Variants in CDH8 observed in about 807,000 individuals in gnomAD.
The protein encoded by CDH8 is cadherin 8.
Under a neutral mutation model 68.1 loss-of-function variants are expected in CDH8, and 17 were observed. The observed-to-expected ratio is 0.25, with a 90% confidence interval of 0.17 to 0.37. The LOEUF is 0.37. Among genes scored for constraint, CDH8 ranks in the 10% least tolerant of loss-of-function variants. CDH8 has a pLI of 1.00. For synonymous variants in CDH8, 372 were observed against 365.1 expected, an observed-to-expected ratio of 1.02 and a Z score of -0.21; for missense variants, 763 against 999.3, an observed-to-expected ratio of 0.76 and a Z score of 3.19.
chr16:61,747,043 C>A (rs1960041093), intron 8 of CDH8, among the ~76,000 whole-genome samples: 1 of 152,010 alleles, frequency 6.6e-6, no homozygotes, highest in Non-Finnish European at 1.5e-5. Context: ...TTGATTTACT[C>A]CCAGATGTTA....
intron 2 of CDH8, among the ~76,000 whole-genome samples, chr16:61,951,647 T>A (rs563232035): frequency 6.6e-6 from 1 of 152,294 alleles, no homozygotes; most frequent in Admixed American, 6.5e-5. Flanking sequence ...TTTTTACATA[T>A]TGCAATGGAT....
chr16:61,763,757 T>C (rs1277414843), intron 8 of CDH8, among the ~76,000 whole-genome samples: 4 of 152,112 alleles, frequency 2.6e-5, no homozygotes, highest in African/African-American at 9.7e-5. Context: ...TTAATTCTTT[T>C]GTTGAATAAG....
At chr16:61,902,744 CAT>C (rs2143274074) in intron 2 of CDH8, among the ~76,000 whole-genome samples, 1 of 152,136 alleles carries the variant, frequency 6.6e-6, no homozygotes, top group African/African-American at 2.4e-5. Flanking sequence ...ATAAAAAAGA[CAT>C]AAAATAGCAA....
chr16:61,901,533 T>A, intron 2 of CDH8, 60 bp from the exon 3 acceptor site: 1 of 1,211,644 alleles, frequency 8.3e-7, no homozygotes. Context: ...TTTTTTTAAC[T>A]ACCTCCTTTT....
At chr16:61,944,561 C>CTTATTAGCTG (rs1301408666) in intron 2 of CDH8, among the ~76,000 whole-genome samples, 2 of 152,144 alleles carry the variant, frequency 1.3e-5, no homozygotes, top group Non-Finnish European at 2.9e-5. Flanking sequence ...TGGCAGCTAA[C>CTTATTAGCTG]TTATTAGGTT....
intron 7 of CDH8, among the ~76,000 whole-genome samples, chr16:61,794,209 C>T (rs759270208): frequency 6.6e-6 from 1 of 151,876 alleles, no homozygotes; most frequent in Non-Finnish European, 1.5e-5. Flanking sequence ...GAAGACATGA[C>T]CTGGATTTCT....
intron 8 of CDH8, among the ~76,000 whole-genome samples, chr16:61,788,703 T>G (rs913252422): frequency 6.6e-6 from 1 of 152,008 alleles, no homozygotes; most frequent in South Asian, 2.1e-4. Flanking sequence ...ATAAAAAGAT[T>G]AACAAGTTAT....
rs1666566916 is a variant in CDH8, at chr16:62,013,287, A to AAG, written c.252+7864_252+7865insCT. On this transcript the variant is annotated intron_variant, in intron 2 of 11. Coordinates refer to ENST00000577390, the MANE Select transcript of CDH8 (RefSeq NM_001796.5). ...AAAAAAAAAAAAAAAAAAAAAAAAA[A>AAG]AAAAAATTAACTACTTAAATCAAGA... Among the ~76,000 whole-genome samples the AAG allele has an allele frequency of 7.2e-5, 2 of 27,828 alleles. 1 individual carries two copies. The highest frequency in any genetic ancestry group is 6.8e-3 in the East Asian group (2 of 294). The allele number at this position is 27,828 out of a possible 152,430, so 18.3% of individuals were successfully genotyped here.
chr16:61,829,861 C>A (rs1436377), intron 4 of CDH8, among the ~76,000 whole-genome samples: 20,209 of 151,866 alleles, frequency 0.13, 1,657 homozygotes, highest in Middle Eastern at 0.2. Context: ...ACATCCAAGA[C>A]AGAATTTTTG....
At chr16:61,840,966 T>C (rs1264544736) in intron 4 of CDH8, among the ~76,000 whole-genome samples, 2 of 151,494 alleles carry the variant, frequency 1.3e-5, no homozygotes, top group Admixed American at 1.3e-4. Flanking sequence ...ATAAAGAAAA[T>C]AGAAAAGAAA....
intron 2 of CDH8, among the ~76,000 whole-genome samples, chr16:61,969,376 C>G (rs1343699254): frequency 1.3e-5 from 2 of 151,638 alleles, no homozygotes; most frequent in Non-Finnish European, 1.5e-5. Context: ...CTGAATCTTT[C>G]TTGGCACGTA....
rs1389307012 is a variant in CDH8, at chr16:61,849,631, G to A, written c.667+7488C>T. Among the ~76,000 whole-genome samples, 3 of 152,210 alleles carry A rather than the reference G, an allele frequency of 2.0e-5. No homozygotes were observed. In the East Asian group the frequency reaches 5.8e-4, roughly 29 times the overall value. On this transcript the variant is annotated intron_variant, in intron 4 of 11. Transcript: ENST00000577390. ...CTACCTCATCCTTTAATCAGCACTT[G>A]GCATGGAAAGAGGTTCTAGGTCTCC...
At chr16:61,764,847 C>T (rs1026163816) in intron 8 of CDH8, among the ~76,000 whole-genome samples, 2 of 151,924 alleles carry the variant, frequency 1.3e-5, no homozygotes, top group African/African-American at 4.8e-5. Context: ...ATTTGTAAAT[C>T]GTTCAGAGCA....
chr16:61,778,826 A>G (rs1466640265), intron 8 of CDH8, among the ~76,000 whole-genome samples: 1 of 152,154 alleles, frequency 6.6e-6, no homozygotes, highest in Non-Finnish European at 1.5e-5. Context: ...AGATTCCTCT[A>G]AACAATGAAC....
chr16:61,960,029 C>CAT lies in CDH8; in HGVS notation c.253-58557_253-58556insAT, dbSNP rs1175040440. ...ATATATATATATACACACATACACA[C>CAT]ACACACACAACATATATGTATGTAT... is the stretch of plus-strand genomic sequence containing the variant. On this transcript the variant is annotated intron_variant, in intron 2 of 11. Coordinates refer to ENST00000577390, the MANE Select transcript of CDH8 (RefSeq NM_001796.5). 9.6e-4 allele frequency among the ~76,000 whole-genome samples: 101 copies of CAT among 104,906 alleles called. 11 individuals carry two copies. Among genetic ancestry groups the CAT allele is most frequent in the African/African-American group, 4.1e-3 (95 of 23,246 alleles). 68.8% of individuals were successfully genotyped at this position (104,906 alleles called of 152,430 possible). A position where few individuals can be genotyped will look rare whatever the true frequency, so the allele number is the denominator to read the frequency against.
rs1597021634 is a variant in CDH8 at position 61,857,234 on chromosome 16, T to C, written c.552A>G (p.Thr184=). ...ATVPEMSILG[T]SVTNVTATDA... ...CGGTCGCAGTGACGTTAGTGACAGA[T>C]GTACCTAATAAAATAGAGAAAGAAA... Residue 184 remains threonine, a synonymous_variant, in exon 4 of 12, where the codon ACA becomes ACG. Transcript: ENST00000577390. 6.2e-7 allele frequency: 1 copy of C among 1,611,838 alleles called. No individual in the cohort carries two copies. Among genetic ancestry groups the C allele is most frequent in the East Asian group, 2.2e-5 (1 of 44,772 alleles).
chr16:61,703,055 T>C (rs936580895), intron 10 of CDH8, among the ~76,000 whole-genome samples: 1 of 152,220 alleles, frequency 6.6e-6, no homozygotes, highest in South Asian at 2.1e-4. Context: ...TAAATTTGTC[T>C]TAAAATAATT....
chr16:61,677,210 T>C (rs563467007), intron 10 of CDH8, among the ~76,000 whole-genome samples: 1 of 151,022 alleles, frequency 6.6e-6, no homozygotes, highest in Admixed American at 6.7e-5. Flanking sequence ...GATCTCTTCA[T>C]CGTCTTTCCC....
intron 10 of CDH8, among the ~76,000 whole-genome samples, chr16:61,694,582 AT>A (rs1324804848): frequency 1.3e-5 from 2 of 152,022 alleles, no homozygotes; most frequent in African/African-American, 4.8e-5. Context: ...GTTTGGTCAT[AT>A]GGGGTGATGA....
Sources: gnomAD v4.1 joint callset for allele counts (sites outside exome capture counted in the v4.1 genomes callset) on GRCh38, gnomAD v4.1.1 for gene constraint, MANE v1.5 for transcripts, NCBI Gene and HGNC (gene_info 2026-07-23, HGNC 2026-07-21) for gene names.